The following NLGN1 variants were observed in gnomAD, a reference collection of about 807,000 sequenced individuals.
NLGN1 encodes the protein neuroligin 1, also known as neuroligin-1.
NLGN1 carries 12 observed loss-of-function variants against 65.5 expected under a neutral mutation model. That is an observed-to-expected ratio of 0.18 (90% CI 0.12 to 0.30). The LOEUF is 0.30. Among genes scored for constraint, NLGN1 ranks in the 10% least tolerant of loss-of-function variants. The pLI is 1.00. For missense variants in NLGN1, 750 were observed against 1,007.1 expected (o/e 0.74, Z 3.46); for synonymous variants, 350 against 359.5 (o/e 0.97, Z 0.30).
intron 4 of NLGN1, among the ~76,000 whole-genome samples, chr3:173,902,990 G>A (rs1194688173): frequency 1.3e-5 from 2 of 152,106 alleles, no homozygotes; most frequent in Non-Finnish European, 2.9e-5. Context: ...AATGCTATAG[G>A]AATTTGAGGG....
In NLGN1 at chr3:174,238,468, G is replaced by A. The variant is rs1218598935; in HGVS notation, c.647-36847G>A. On this transcript the variant is annotated intron_variant, in intron 4 of 6. Transcript: ENST00000457714. Reference sequence around the variant, plus strand: ...ACCTCTACCTTCAGGGTCCAAGCAAGTCTCCTGCCTCAGCCTTCTGAGTAG... The same window carrying A: ...ACCTCTACCTTCAGGGTCCAAGCAAATCTCCTGCCTCAGCCTTCTGAGTAG... Among the ~76,000 whole-genome samples the A allele has an allele frequency of 1.3e-5, 2 of 151,812 alleles. 1 individual carries two copies. The highest frequency in any genetic ancestry group is 2.9e-5 in the Non-Finnish European group (2 of 67,886).
intron 2 of NLGN1, among the ~76,000 whole-genome samples, chr3:173,597,420 T>TACA (rs1348093069): frequency 2.6e-5 from 4 of 152,182 alleles, no homozygotes; most frequent in Non-Finnish European, 5.9e-5. Flanking sequence ...GAGGGTGACC[T>TACA]ACAATAGTAG....
chr3:174,291,479 G>A (rs896536149), downstream of NLGN1, among the ~76,000 whole-genome samples: 3 of 151,102 alleles, frequency 2.0e-5, no homozygotes, highest in African/African-American at 7.3e-5. Context: ...AATAATATAA[G>A]CATTCACATC....
At chr3:174,045,545 C>A (rs1051277485) in intron 4 of NLGN1, among the ~76,000 whole-genome samples, 2 of 152,052 alleles carry the variant, frequency 1.3e-5, no homozygotes, top group African/African-American at 2.4e-5. Flanking sequence ...GATACAGAGC[C>A]AGACTATATT....
intron 4 of NLGN1, among the ~76,000 whole-genome samples, chr3:174,204,312 T>C (rs9835854): frequency 0.22 from 33,855 of 152,100 alleles, 4,234 homozygotes; most frequent in African/African-American, 0.34. Context: ...TGTAAACTTG[T>C]TTCCAGAGGA....
At chr3:173,543,279 C>T (rs1318287708) in intron 2 of NLGN1, among the ~76,000 whole-genome samples, 1 of 152,126 alleles carries the variant, frequency 6.6e-6, no homozygotes, top group African/African-American at 2.4e-5. Flanking sequence ...TAGCATAGCA[C>T]TTAACAGTGT....
chr3:173,668,866 C>T (rs754941535), intron 3 of NLGN1, among the ~76,000 whole-genome samples: 3 of 151,990 alleles, frequency 2.0e-5, no homozygotes, highest in African/African-American at 7.2e-5. Flanking sequence ...TCAAGTGATC[C>T]GCCCGCCTCG....
chr3:174,288,774 A>C (rs1170728695), downstream of NLGN1, among the ~76,000 whole-genome samples: 1 of 151,486 alleles, frequency 6.6e-6, no homozygotes, highest in Non-Finnish European at 1.5e-5. Flanking sequence ...CAACTTCCTC[A>C]TTACACAAAG....
chr3:174,171,774 C>G (rs1728580605), intron 4 of NLGN1, among the ~76,000 whole-genome samples: 1 of 151,994 alleles, frequency 6.6e-6, no homozygotes, highest in Non-Finnish European at 1.5e-5. Flanking sequence ...TTAACAGTCC[C>G]ACGACCTTTT....
At chr3:174,179,511 G>A (rs1730005503) in intron 4 of NLGN1, among the ~76,000 whole-genome samples, 1 of 151,988 alleles carries the variant, frequency 6.6e-6, no homozygotes, top group Non-Finnish European at 1.5e-5. Flanking sequence ...CCCAGACTGA[G>A]ATCACACCGC....
intron 4 of NLGN1, among the ~76,000 whole-genome samples, chr3:174,051,803 C>A (rs1242818081): frequency 1.3e-5 from 2 of 151,876 alleles, no homozygotes; most frequent in African/African-American, 4.8e-5. Flanking sequence ...CCCCATCCAC[C>A]CAGAAGAGAA....
intron 4 of NLGN1, among the ~76,000 whole-genome samples, chr3:174,173,317 T>C (rs1174498221): frequency 6.6e-6 from 1 of 152,074 alleles, no homozygotes; most frequent in African/African-American, 2.4e-5. Flanking sequence ...TCTTATCTGA[T>C]TGCTCTAGCT....
At chr3:173,766,932 G>A (rs1778866272) in intron 3 of NLGN1, among the ~76,000 whole-genome samples, 1 of 152,070 alleles carries the variant, frequency 6.6e-6, no homozygotes, top group African/African-American at 2.4e-5. Context: ...CTAGATAAAT[G>A]ATTTTGAAAA....
chr3:173,553,074 A>G (rs13096502), intron 2 of NLGN1, among the ~76,000 whole-genome samples: 4 of 152,202 alleles, frequency 2.6e-5, no homozygotes, highest in African/African-American at 4.8e-5. Context: ...TTTACGGGGC[A>G]GTGCGTTAGA....
intron 3 of NLGN1, among the ~76,000 whole-genome samples, chr3:173,649,201 A>G (rs1758750025): frequency 6.6e-6 from 1 of 152,144 alleles, no homozygotes; most frequent in African/African-American, 2.4e-5. Flanking sequence ...AAACTATAGT[A>G]ACAGAAAGAA....
chr3:174,115,761 C>G (rs1420012630), intron 4 of NLGN1, among the ~76,000 whole-genome samples: 1 of 152,140 alleles, frequency 6.6e-6, no homozygotes, highest in Non-Finnish European at 1.5e-5. Flanking sequence ...AAAGTTTGGA[C>G]TATAATTTAT....
intron 4 of NLGN1, among the ~76,000 whole-genome samples, chr3:174,000,149 G>A (rs1214870810): frequency 6.6e-6 from 1 of 151,966 alleles, no homozygotes; most frequent in Non-Finnish European, 1.5e-5. Context: ...CACTGATGAT[G>A]GTTCCTCTCC....
At chr3:173,460,375 T>C (rs1723176485) in intron 2 of NLGN1, among the ~76,000 whole-genome samples, 4 of 152,082 alleles carry the variant, frequency 2.6e-5, no homozygotes, top group South Asian at 2.1e-4. Context: ...AGATCAGACA[T>C]GTACAAAATT....
intron 2 of NLGN1, among the ~76,000 whole-genome samples, chr3:173,539,721 T>C (rs1738333187): frequency 7.8e-6 from 1 of 128,872 alleles, no homozygotes; most frequent in Admixed American, 7.6e-5. Context: ...TATATGTACA[T>C]ATGCACATAT....
Sources: allele counts gnomAD v4.1 joint callset (sites outside exome capture counted in the v4.1 genomes callset), GRCh38; gene constraint gnomAD v4.1.1; transcripts MANE v1.5; gene names NCBI Gene and HGNC (gene_info 2026-07-23, HGNC 2026-07-21).